PHC2: variants seen among roughly 807,000 people sequenced by gnomAD.
The protein encoded by PHC2 is polyhomeotic-like protein 2.
A neutral mutation model predicts 87.4 loss-of-function variants in PHC2; 29 were observed. The ratio of observed to expected loss-of-function variants is 0.33; its 90% CI spans 0.25 to 0.45. The LOEUF (loss-of-function observed/expected upper bound fraction) is 0.45, where lower values mean the gene tolerates loss of function less well. Ranked by LOEUF, PHC2 falls within the 20% of genes least tolerant of loss-of-function variation. The probability of loss-of-function intolerance (pLI) is 1.00; values close to 1 mark genes in which losing one functional copy is unlikely to be tolerated. For synonymous variants in PHC2, 438 were observed against 461.7 expected, an observed-to-expected ratio of 0.95 and a Z score of 0.66; for missense variants, 857 against 1,136.7, an observed-to-expected ratio of 0.75 and a Z score of 3.54.
intron 1 of PHC2, among the ~76,000 whole-genome samples, chr1:33,402,185 A>G (rs1649564461): frequency 6.6e-6 from 1 of 152,202 alleles, no homozygotes; most frequent in African/African-American, 2.4e-5. Context: ...AGACATTTAA[A>G]AACTTCACTT....
intron 1 of PHC2, among the ~76,000 whole-genome samples, chr1:33,421,083 A>G (rs976170822): frequency 1.3e-5 from 2 of 152,168 alleles, no homozygotes; most frequent in Admixed American, 6.6e-5. Context: ...TGCAATAAAC[A>G]CTACCGTTTC....
chr1:33,366,569 A>G (rs776016212), intron 7 of PHC2, among the ~76,000 whole-genome samples: 19 of 152,302 alleles, frequency 1.2e-4, no homozygotes, highest in South Asian at 4.1e-4. Context: ...ATTATGGCAT[A>G]TGCACTGCAC....
chr1:33,374,087 C>T (rs1464320245), intron 2 of PHC2, among the ~76,000 whole-genome samples: 4 of 152,176 alleles, frequency 2.6e-5, no homozygotes, highest in Admixed American at 1.3e-4. Context: ...CTCTCCTGCT[C>T]TCTCAGAATT....
At chr1:33,384,151 G>T (rs1648627600) in intron 1 of PHC2, among the ~76,000 whole-genome samples, 1 of 152,150 alleles carries the variant, frequency 6.6e-6, no homozygotes, top group Admixed American at 6.5e-5. Flanking sequence ...ATGCTCCAAG[G>T]CAAGGCTTCT....
In PHC2 at chr1:33,367,162, G is replaced by A. The variant is rs1266486906; in HGVS notation, c.930C>T (p.Leu310=). ...CAGCCACAGCAGGAACCGTCCGGCT[G>A]AGCCCAGCCCGGCCTTCCATGCTCC... ...VPGSMEGRAG[L]SRTVPAVAAH... is the part of the protein sequence containing the mutation. Residue 310 remains leucine, a synonymous_variant, in exon 7 of 15, where the codon CTC becomes CTT. Transcript: ENST00000683057. 3 of 1,613,934 alleles carry A rather than the reference G, an allele frequency of 1.9e-6. No homozygotes were observed. The highest frequency in any genetic ancestry group is 1.7e-6 in the Non-Finnish European group (2 of 1,179,890).
intron 1 of PHC2, among the ~76,000 whole-genome samples, chr1:33,412,393 T>TAC (rs1394414204): frequency 6.6e-6 from 1 of 152,184 alleles, no homozygotes; most frequent in Non-Finnish European, 1.5e-5. Flanking sequence ...ACTGTACAAA[T>TAC]ACACACACAC....
At chr1:33,385,194 TAGACCC>T (rs1458118955) in intron 1 of PHC2, among the ~76,000 whole-genome samples, 1 of 152,188 alleles carries the variant, frequency 6.6e-6, no homozygotes, top group Non-Finnish European at 1.5e-5. Context: ...AGGCTGGGAC[TAGACCC>T]AGTCACACAT....
intron 9 of PHC2, chr1:33,346,816 C>G: frequency 5.1e-6 from 5 of 985,340 alleles, no homozygotes; most frequent in Non-Finnish European, 4.8e-6. Context: ...AGGTCATCCC[C>G]TTTACACATT....
intron 1 of PHC2, among the ~76,000 whole-genome samples, chr1:33,397,652 CTT>C (rs1273007216): frequency 1.3e-5 from 2 of 152,054 alleles, no homozygotes; most frequent in Non-Finnish European, 2.9e-5. Flanking sequence ...TCTCTGCCCT[CTT>C]TGTTTGGGGT....
chr1:33,401,991 A>C (rs767183725), intron 1 of PHC2, among the ~76,000 whole-genome samples: 23 of 152,214 alleles, frequency 1.5e-4, no homozygotes, highest in Non-Finnish European at 2.9e-4. Context: ...CTACATTAAA[A>C]GAAAAAATTT....
At position 33,354,410 on chromosome 1, in the gene PHC2, G is replaced by A. The variant is rs140045583; in HGVS notation, c.1549C>T (p.Pro517Ser). Reference sequence around the variant, plus strand: ...CCACTGTGCTTCATACCGTGAGCTGGGGACGGCTGGATGTTAGGGCTCGTG... The same window carrying A: ...CCACTGTGCTTCATACCGTGAGCTGAGGACGGCTGGATGTTAGGGCTCGTG... ...VPTSPNIQPSPAHETGQGIVH... is the reference protein window; with the variant it reads ...VPTSPNIQPSSAHETGQGIVH... The change falls in exon 9 of 15, where the codon CCA becomes TCA. Residue 517 changes from proline (P) to serine (S), a missense_variant. Pro to Ser is a moderately conservative substitution (Grantham distance 74). This residue lies in a region of PHC2 where 832 missense variants were observed against 1,081.8 expected (regional missense o/e 0.77). Transcript: ENST00000683057. The A allele has an allele frequency of 6.2e-6, 10 of 1,612,966 alleles. No homozygotes were observed. The highest frequency in any genetic ancestry group is 1.7e-4 in the Middle Eastern group (1 of 5,760).
chr1:33,396,744 C>T (rs1649310284), intron 1 of PHC2, among the ~76,000 whole-genome samples: 2 of 152,128 alleles, frequency 1.3e-5, no homozygotes, highest in South Asian at 2.1e-4. Flanking sequence ...CTTCCTGCCC[C>T]GTAACTGATA....
intron 1 of PHC2, among the ~76,000 whole-genome samples, chr1:33,420,599 G>A (rs191161658): frequency 2.7e-4 from 41 of 152,070 alleles, no homozygotes; most frequent in East Asian, 1.4e-3. Flanking sequence ...ATTTGAACTC[G>A]GACAAGTTAT....
At chr1:33,427,038 G>A (rs1387246715) in intron 1 of PHC2, among the ~76,000 whole-genome samples, 5 of 152,228 alleles carry the variant, frequency 3.3e-5, no homozygotes, top group Admixed American at 2.6e-4. Flanking sequence ...TGACTTCAGA[G>A]ACAGTATAGC....
intron 9 of PHC2, among the ~76,000 whole-genome samples, chr1:33,337,807 C>G (rs1411531940): frequency 6.6e-6 from 1 of 152,216 alleles, no homozygotes; most frequent in Non-Finnish European, 1.5e-5. Context: ...CATCAGGTAC[C>G]TAGTTAATAC....
rs1420733292 is a variant in PHC2, at chr1:33,334,347, G to A, written c.1559-55C>T. ...AGGGGAGATCAGAACCAGAGTCCAC[G>A]CCCAGGGAGGGACAGCAAGGACTCA... On this transcript the variant is annotated intron_variant, in intron 9 of 14. Transcript: ENST00000683057. The surrounding 1 kb of genome is among the most constrained non-coding windows in gnomAD (Gnocchi z 5.5). 8 of 1,515,388 alleles carry A rather than the reference G, an allele frequency of 5.3e-6. No individual in the cohort carries two copies. Among genetic ancestry groups the A allele is most frequent in the South Asian group, 1.1e-5 (1 of 87,012 alleles). The allele number at this position is 1,515,388 out of a possible 1,614,324, so 93.9% of individuals were successfully genotyped here. A position where few individuals can be genotyped will look rare whatever the true frequency, so the allele number is the denominator to read the frequency against.
chr1:33,367,945 C>T (rs1404850509), intron 6 of PHC2, among the ~76,000 whole-genome samples: 1 of 152,206 alleles, frequency 6.6e-6, no homozygotes, highest in Admixed American at 6.5e-5. Flanking sequence ...GTCCCTGGCG[C>T]CCTCTGCTGG....
In PHC2 at chr1:33,332,076, G is replaced by A. The variant is rs192682472; in HGVS notation, c.1891+199C>T. On this transcript the variant is annotated intron_variant, in intron 11 of 14. Transcript: ENST00000683057. This position sits in a 1 kb window ranked among gnomAD's most constrained non-coding sequence, Gnocchi z 4.2. ...TCCTGTGGTTGGCTGGAGGGGGATT[G>A]GGGGAGCAGAGGACACATGGTTCCC... 8.1e-4 allele frequency among the ~76,000 whole-genome samples: 123 copies of A among 152,356 alleles called. No homozygotes were observed. The highest frequency in any genetic ancestry group is 1.5e-5 in the Non-Finnish European group (1 of 68,036).
chr1:33,351,447 G>A (rs1444661877), intron 9 of PHC2, among the ~76,000 whole-genome samples: 1 of 152,146 alleles, frequency 6.6e-6, no homozygotes, highest in Non-Finnish European at 1.5e-5. Context: ...ATCTCTAGTT[G>A]GCAGTAACTT....
Sources: gnomAD v4.1 joint callset for allele counts (sites outside exome capture counted in the v4.1 genomes callset) on GRCh38, gnomAD v4.1.1 for gene constraint, gnomAD v4.1.1 regional missense constraint, Gnocchi (gnomAD v3.1) non-coding constraint, MANE v1.5 for transcripts, NCBI Gene and HGNC (gene_info 2026-07-23, HGNC 2026-07-21) for gene names.